ANKFN1: variants seen among roughly 807,000 people sequenced by gnomAD.
ANKFN1 encodes the protein ankyrin repeat and fibronectin type-III domain-containing protein 1.
A neutral mutation model predicts 108.7 loss-of-function variants in ANKFN1; 74 were observed. The ratio of observed to expected loss-of-function variants is 0.68; its 90% CI spans 0.56 to 0.83. ANKFN1 has a LOEUF of 0.83. ANKFN1 is among the 40% of genes least tolerant of loss of function. ANKFN1 has a pLI of 0.00. For synonymous variants in ANKFN1, 547 were observed against 516.2 expected, an observed-to-expected ratio of 1.06 and a Z score of -0.81; for missense variants, 1,505 against 1,382.3, an observed-to-expected ratio of 1.09 and a Z score of -1.41.
chr17:56,496,473 C>G (rs760349839), intron 19 of ANKFN1, among the ~76,000 whole-genome samples: 16 of 152,102 alleles, frequency 1.1e-4, no homozygotes, highest in Non-Finnish European at 2.2e-4. Flanking sequence ...GTTGGCAAGG[C>G]CACACTCCCT....
chr17:56,375,113 A>G (rs1432789601), intron 8 of ANKFN1, among the ~76,000 whole-genome samples: 1 of 152,168 alleles, frequency 6.6e-6, no homozygotes, highest in Non-Finnish European at 1.5e-5. Flanking sequence ...AACTAAAGCT[A>G]GGTAACAGGG....
At chr17:56,491,584 T>C (rs1469952546) in intron 18 of ANKFN1, among the ~76,000 whole-genome samples, 1 of 152,102 alleles carries the variant, frequency 6.6e-6, no homozygotes, top group Non-Finnish European at 1.5e-5. Context: ...AGACAAGAAA[T>C]GGTCTGTCCA....
intron 6 of ANKFN1, among the ~76,000 whole-genome samples, chr17:56,364,354 T>C (rs2046607008): frequency 6.6e-6 from 1 of 152,204 alleles, no homozygotes; most frequent in Non-Finnish European, 1.5e-5. Context: ...TGTATATTGA[T>C]TGCATGATGA....
At chr17:56,047,364 G>C (rs534756366) in intron 4 of ANKFN1, among the ~76,000 whole-genome samples, 1 of 152,268 alleles carries the variant, frequency 6.6e-6, no homozygotes, top group East Asian at 1.9e-4. Flanking sequence ...GGGAAAGGGG[G>C]AGAACGAAGG....
At chr17:56,275,438 G>A (rs2043902450) in intron 3 of ANKFN1, among the ~76,000 whole-genome samples, 1 of 152,016 alleles carries the variant, frequency 6.6e-6, no homozygotes, top group African/African-American at 2.4e-5. Flanking sequence ...AGACGATTAG[G>A]AGAAGACTGT....
intron 3 of ANKFN1, among the ~76,000 whole-genome samples, chr17:56,302,850 T>C (rs1467027676): frequency 6.6e-6 from 1 of 152,234 alleles, no homozygotes; most frequent in Non-Finnish European, 1.5e-5. Context: ...AAGTAATACA[T>C]ACCTACCAGA....
At chr17:56,467,745 AAG>A (rs1421445645) in intron 15 of ANKFN1, among the ~76,000 whole-genome samples, 1 of 26,938 alleles carries the variant, frequency 3.7e-5, no homozygotes, top group African/African-American at 1.5e-4. Context: ...GAAAGAAACA[AAG>A]AAAGAAAGAA....
chr17:56,111,422 C>G (rs1905954606), intron 4 of ANKFN1, among the ~76,000 whole-genome samples: 1 of 152,068 alleles, frequency 6.6e-6, no homozygotes, highest in South Asian at 2.1e-4. Flanking sequence ...GTCTCTTTCT[C>G]CCTTTGAAAT....
intron 4 of ANKFN1, among the ~76,000 whole-genome samples, chr17:56,069,516 T>G (rs992292780): frequency 6.6e-6 from 1 of 152,174 alleles, no homozygotes; most frequent in East Asian, 1.9e-4. Context: ...CTCTGAAGTA[T>G]GTTGGTGCAT....
At chr17:56,188,579 G>GTATATATATATATATA (rs1220822008) in intron 1 of ANKFN1, among the ~76,000 whole-genome samples, 57 of 71,368 alleles carry the variant, frequency 8.0e-4, no homozygotes, top group Middle Eastern at 7.9e-3. Flanking sequence ...GTGTGTGTGT[G>GTATATATATATATATA]TGTATATATA....
chr17:56,098,440 G>T (rs11079209), intron 4 of ANKFN1, among the ~76,000 whole-genome samples: 71 of 143,910 alleles, frequency 4.9e-4, no homozygotes, highest in Non-Finnish European at 9.1e-4. Context: ...ACACACACAC[G>T]CGCGCGCACA....
intron 19 of ANKFN1, among the ~76,000 whole-genome samples, chr17:56,498,166 A>T (rs1460384469): frequency 6.6e-6 from 1 of 152,190 alleles, no homozygotes; most frequent in Non-Finnish European, 1.5e-5. Flanking sequence ...ATTATTTAAG[A>T]TTAAACTGTT....
At chr17:56,218,857 T>A (rs1915634078) in intron 2 of ANKFN1, among the ~76,000 whole-genome samples, 1 of 152,238 alleles carries the variant, frequency 6.6e-6, no homozygotes, top group Non-Finnish European at 1.5e-5. Flanking sequence ...TTTCCCAAAC[T>A]TACTTGAACA....
intron 4 of ANKFN1, among the ~76,000 whole-genome samples, chr17:56,076,142 C>T (rs1490637296): frequency 2.6e-5 from 4 of 152,234 alleles, no homozygotes; most frequent in Middle Eastern, 3.4e-3. Flanking sequence ...TTCAATAGCA[C>T]TTTTCTGTAA....
Position 56,374,654 on chromosome 17 carries a change from C to T in ANKFN1, c.850C>T (p.Leu284Phe). Residue 284 changes from leucine to phenylalanine, a missense_variant, in exon 8 of 21, where the codon CTC becomes TTC. Transcript: ENST00000682825. Reference protein sequence around the residue: ...VCLMVTSSTSLTVSFQEPLSV... With the variant: ...VCLMVTSSTSFTVSFQEPLSV... Reference sequence around the variant, plus strand: ...TCTCATGGTAACCAGCAGCACATCACTCACTGTCAGCTTCCAAGAGCCTCT... The same window carrying T: ...TCTCATGGTAACCAGCAGCACATCATTCACTGTCAGCTTCCAAGAGCCTCT... The T allele has an allele frequency of 3.1e-6, 5 of 1,613,990 alleles. No individual in the cohort carries two copies. In the South Asian group the frequency reaches 4.4e-5, roughly 14 times the overall value.
At chr17:56,437,273 C>A (rs527461243) in intron 8 of ANKFN1, among the ~76,000 whole-genome samples, 1 of 152,280 alleles carries the variant, frequency 6.6e-6, no homozygotes, top group Admixed American at 6.5e-5. Context: ...AAAACTTGAA[C>A]AATTTCAAAA....
At chr17:56,203,182 A>AT (rs911381978) in intron 1 of ANKFN1, among the ~76,000 whole-genome samples, 18 of 152,238 alleles carry the variant, frequency 1.2e-4, no homozygotes, top group Admixed American at 3.9e-4. Context: ...TTCCAGGGAC[A>AT]TTTTTTATTT....
rs1434303256 is a variant in ANKFN1 at position 56,091,368 on chromosome 17, TTATC to T, written c.288+45044_288+45047del. Among the ~76,000 whole-genome samples the T allele has an allele frequency of 8.0e-5, 12 of 149,344 alleles. 3 individuals carry two copies. Among genetic ancestry groups the T allele is most frequent in the Middle Eastern group, 3.2e-3 (1 of 310 alleles). ...TATATTTTAAATGAATAGGGTTTAT[TTATC>T]AATTAAAATTTATTTTTAAAATACT... On this transcript the variant is annotated intron_variant, in intron 4 of 12. Coordinates refer to the ANKFN1 transcript ENST00000635860.
chr17:56,432,527 C>T (rs1012273756), intron 8 of ANKFN1, among the ~76,000 whole-genome samples: 2 of 152,188 alleles, frequency 1.3e-5, no homozygotes, highest in African/African-American at 4.8e-5. Flanking sequence ...GCCTGCCATC[C>T]ATAAGAACAG....
Sources: allele counts gnomAD v4.1 joint callset (sites outside exome capture counted in the v4.1 genomes callset), GRCh38; gene constraint gnomAD v4.1.1; transcripts MANE v1.5; gene names NCBI Gene and HGNC (gene_info 2026-07-23, HGNC 2026-07-21).